DYNC2I1: variants seen among roughly 807,000 people sequenced by gnomAD.
DYNC2I1 encodes dynein 2 intermediate chain 1, also known as cytoplasmic dynein 2 intermediate chain 1.
DYNC2I1 carries 89 observed loss-of-function variants against 133.4 expected under a neutral mutation model. The observed-to-expected ratio is 0.67, with a 90% CI of 0.56 to 0.80. DYNC2I1 has a LOEUF of 0.80. Ranked by LOEUF, DYNC2I1 falls within the 30% of genes least tolerant of loss-of-function variation. The pLI is 0.00. For synonymous variants in DYNC2I1, 504 were observed against 484.3 expected (o/e 1.04, Z -0.54); for missense variants, 1,291 against 1,314.5 (o/e 0.98, Z 0.28).
At chr7:158,946,540 G>A (rs1455627137), downstream of DYNC2I1, among the ~76,000 whole-genome samples, 2 of 152,236 alleles carry the variant, frequency 1.3e-5, no homozygotes, top group Admixed American at 6.5e-5. Flanking sequence ...GCACAGTAGC[G>A]GAGGACAGAA....
intron 1 of DYNC2I1, among the ~76,000 whole-genome samples, chr7:158,859,981 C>T (rs1473938095): frequency 4.6e-5 from 7 of 151,628 alleles, no homozygotes; most frequent in Non-Finnish European, 8.8e-5. Context: ...TAGTCTATTT[C>T]ATAAGGTAAG....
At chr7:158,891,572 G>A (rs1845219584) in intron 8 of DYNC2I1, among the ~76,000 whole-genome samples, 1 of 152,174 alleles carries the variant, frequency 6.6e-6, no homozygotes, top group Admixed American at 6.5e-5. Flanking sequence ...TAACTGGGTT[G>A]TGTGCACACC....
chr7:158,939,537 G>A (rs957197224), intron 23 of DYNC2I1, among the ~76,000 whole-genome samples: 2 of 152,104 alleles, frequency 1.3e-5, no homozygotes, highest in Admixed American at 1.3e-4. Flanking sequence ...CAGAGAGAAG[G>A]AAGACAGGCA....
chr7:158,954,417 G>A (rs1852146451), intron 4 of DYNC2I1, among the ~76,000 whole-genome samples: 1 of 152,164 alleles, frequency 6.6e-6, no homozygotes, highest in South Asian at 2.1e-4. Flanking sequence ...GGCCAAGGTG[G>A]GCAGATCACT....
At chr7:158,861,891 G>C (rs1165409071) in intron 1 of DYNC2I1, among the ~76,000 whole-genome samples, 1 of 152,188 alleles carries the variant, frequency 6.6e-6, no homozygotes, top group Non-Finnish European at 1.5e-5. Flanking sequence ...CAGTTACACA[G>C]TCAAGTAATA....
At chr7:158,839,944 C>T in the DYNC2I1 span, among the ~76,000 whole-genome samples, 1 of 151,988 alleles carries the variant, frequency 6.6e-6, no homozygotes, top group Non-Finnish European at 1.5e-5. Flanking sequence ...TCCTGAGCAG[C>T]TGAACTACAG....
At position 158,882,875 on chromosome 7, in the gene DYNC2I1, C is replaced by T. The variant is rs2657355; in HGVS notation, c.880-1689C>T. Among the ~76,000 whole-genome samples, 62 of 108,556 alleles carry T rather than the reference C, an allele frequency of 5.7e-4. 1 individual carries two copies. Among genetic ancestry groups the T allele is most frequent in the Non-Finnish European group, 7.3e-4 (36 of 49,320 alleles). 71.2% of individuals were successfully genotyped at this position (108,556 alleles called of 152,430 possible). A position where few individuals can be genotyped will look rare whatever the true frequency, so the allele number is the denominator to read the frequency against. On this transcript the variant is annotated intron_variant, in intron 5 of 24. Coordinates refer to ENST00000407559, the MANE Select transcript of DYNC2I1 (RefSeq NM_018051.5). ...TGGAGGACAGAGTGAGCCTTTGTCT[C>T]AAAAAAAAAAAAAAAAGGAAAAGAA... is the stretch of plus-strand genomic sequence containing the variant.
At chr7:158,923,782 G>A (rs763135779) in intron 17 of DYNC2I1, 49 bp downstream of exon 17, 26 of 1,574,310 alleles carry the variant, frequency 1.7e-5, no homozygotes, top group African/African-American at 6.8e-5. Context: ...AAAGCCACAC[G>A]GATTTGAGGA....
rs1189268879 is a variant in DYNC2I1 at position 158,945,308 on chromosome 7, G to A, written c.3003-273G>A. Among the ~76,000 whole-genome samples the A allele has an allele frequency of 1.3e-5, 2 of 152,150 alleles. No individual in the cohort carries two copies. The highest frequency in any genetic ancestry group is 4.2e-4 in the South Asian group (2 of 4,818). ...GCTGATGGCCCCCACCTTCTCCAGGGACCTGCTGGGGGCTACTGACTCCCG... is the reference window on the plus strand; with the variant it reads ...GCTGATGGCCCCCACCTTCTCCAGGAACCTGCTGGGGGCTACTGACTCCCG... On this transcript the variant is annotated intron_variant, in intron 24 of 24. Transcript: ENST00000407559. The surrounding 1 kb of genome is among the most constrained non-coding windows in gnomAD (Gnocchi z 4.1).
rs752109819 is a variant in DYNC2I1 at position 158,922,379 on chromosome 7, C to T, written c.1924C>T (p.Arg642Ter). 5.6e-6 allele frequency: 9 copies of T among 1,612,432 alleles called. No individual in the cohort carries two copies. Among genetic ancestry groups the T allele is most frequent in the Admixed American group, 1.7e-5 (1 of 59,704 alleles). Residue 642 changes from arginine to a stop codon, truncating the protein, a stop_gained and splice_region_variant, in exon 16 of 25, where the codon CGA becomes TGA. Transcript: ENST00000407559. LOFTEE classifies it high-confidence loss of function. ...LNTSLPFLQN[R>*]KVSSLHTSRV... ...GAACATATTTTTCTTCTCCCTAGAT[C>T]GAAAAGTATCCTCCTTGCACACCTC...
chr7:158,897,983 ATTTG>A (rs1563131882), intron 8 of DYNC2I1, among the ~76,000 whole-genome samples: 2 of 152,020 alleles, frequency 1.3e-5, no homozygotes, highest in African/African-American at 2.4e-5. Flanking sequence ...TTCTCTTGAG[ATTTG>A]TTTTTTAGCC....
intron 11 of DYNC2I1, among the ~76,000 whole-genome samples, chr7:158,909,544 C>T (rs1942400055): frequency 6.6e-6 from 1 of 152,086 alleles, no homozygotes; most frequent in South Asian, 2.1e-4. Flanking sequence ...AGAATATGTA[C>T]AGAGTCCTAC....
At chr7:158,875,249 G>A (rs842689) in intron 3 of DYNC2I1, among the ~76,000 whole-genome samples, 50 of 151,586 alleles carry the variant, frequency 3.3e-4, no homozygotes, top group Non-Finnish European at 5.7e-4. Context: ...CGCACGCCAC[G>A]ACGCCCGGCT....
At chr7:158,915,215 A>G (rs1220952432) in intron 14 of DYNC2I1, among the ~76,000 whole-genome samples, 1 of 151,946 alleles carries the variant, frequency 6.6e-6, no homozygotes, top group Non-Finnish European at 1.5e-5. Flanking sequence ...GTTGACATTA[A>G]GGATGACTGT....
At chr7:158,957,475 C>T (rs1852227012), downstream of DYNC2I1, among the ~76,000 whole-genome samples, 1 of 152,238 alleles carries the variant, frequency 6.6e-6, no homozygotes, top group Non-Finnish European at 1.5e-5. Flanking sequence ...TACCAGGTAG[C>T]TCCTGAACAG....
At chr7:158,902,840 C>A in intron 10 of DYNC2I1, 2 of 482,740 alleles carry the variant, frequency 4.1e-6, no homozygotes, top group Non-Finnish European at 7.3e-6. Flanking sequence ...AGCACCCAGG[C>A]CTTAGGTTAG....
At chr7:158,867,465 C>G (rs1382942344) in intron 1 of DYNC2I1, among the ~76,000 whole-genome samples, 1 of 152,174 alleles carries the variant, frequency 6.6e-6, no homozygotes, top group Admixed American at 6.5e-5. Flanking sequence ...ATGCTCCCCT[C>G]GGGGAGACCA....
intron 7 of DYNC2I1, among the ~76,000 whole-genome samples, chr7:158,890,005 C>CAAAA (rs35423707): frequency 1.0e-4 from 7 of 67,974 alleles, no homozygotes; most frequent in African/African-American, 2.1e-4. Context: ...GACTCCTTCT[C>CAAAA]AAAAAAAAAA....
At position 158,902,508 on chromosome 7, in the gene DYNC2I1, A is replaced by T; in HGVS notation, c.1270A>T (p.Asn424Tyr). ...AATACAAGAAATTCAAAGAGCTATT[A>T]ATGCAGAAAATGAAAGGATTGGCGA... is the stretch of plus-strand genomic sequence containing the variant. ...KEIQEIQRAINAENERIGELS... is the reference protein window; with the variant it reads ...KEIQEIQRAIYAENERIGELS... Residue 424 changes from asparagine (N) to tyrosine (Y), a missense_variant, in exon 10 of 25, where the codon AAT becomes TAT. Transcript: ENST00000407559. The T allele has an allele frequency of 6.2e-7, 1 of 1,614,064 alleles. No homozygotes were observed. The highest frequency in any genetic ancestry group is 8.5e-7 in the Non-Finnish European group (1 of 1,179,886).
Sources: allele counts gnomAD v4.1 joint callset (sites outside exome capture counted in the v4.1 genomes callset), GRCh38; gene constraint gnomAD v4.1.1; non-coding constraint Gnocchi (gnomAD v3.1); transcripts MANE v1.5; gene names NCBI Gene and HGNC (gene_info 2026-07-23, HGNC 2026-07-21).